LONRF2: variants seen among roughly 807,000 people sequenced by gnomAD.
LONRF2 encodes LON peptidase N-terminal domain and ring finger 2, also known as LON peptidase N-terminal domain and RING finger protein 2.
Under a neutral mutation model 66.6 loss-of-function variants are expected in LONRF2, and 35 were observed. The observed-to-expected ratio is 0.53, with a 90% CI of 0.40 to 0.70. The LOEUF (loss-of-function observed/expected upper bound fraction) is 0.70. LONRF2 is among the 30% of genes least tolerant of loss of function. The probability of loss-of-function intolerance (pLI) is 0.00; values close to 1 mark genes in which losing one functional copy is unlikely to be tolerated. For synonymous variants in LONRF2, 417 were observed against 418.1 expected, an observed-to-expected ratio of 1.00 and a Z score of 0.03; for missense variants, 902 against 1,002.1, an observed-to-expected ratio of 0.90 and a Z score of 1.35.
In LONRF2 at chr2:100,299,766, G is replaced by A. The variant is rs756818095; in HGVS notation, c.1218C>T (p.Asp406=). 1.8e-5 allele frequency: 29 copies of A among 1,613,934 alleles called. 1 individual carries two copies. Among genetic ancestry groups the A allele is most frequent in the East Asian group, 1.3e-4 (6 of 44,894 alleles). The part of the protein sequence containing the change: ...SAGLKRQFPD[D]VEDAPDLNAP... ...CGTTCAGGTCAGGTGCATCCTCCAC[G>A]TCATCCGGAAACTGTCTCTTTAAGC... The change falls in exon 5 of 12, where the codon GAC becomes GAT. Residue 406 remains aspartate, a synonymous_variant. Transcript: ENST00000393437.
At chr2:100,297,383 C>T (rs1321130582) in intron 7 of LONRF2, among the ~76,000 whole-genome samples, 6 of 152,208 alleles carry the variant, frequency 3.9e-5, no homozygotes, top group Middle Eastern at 3.4e-3. Context: ...GTGACCCACC[C>T]GCCTCAGCCT....
intron 9 of LONRF2, among the ~76,000 whole-genome samples, chr2:100,291,889 C>T (rs1674967096): frequency 6.6e-6 from 1 of 152,176 alleles, no homozygotes; most frequent in Non-Finnish European, 1.5e-5. Flanking sequence ...TGCCAAGCAC[C>T]ACACACAGCA....
intron 7 of LONRF2, among the ~76,000 whole-genome samples, chr2:100,295,899 A>G (rs1471947829): frequency 1.3e-5 from 2 of 152,234 alleles, no homozygotes; most frequent in African/African-American, 4.8e-5. Context: ...TGGAAAGTGA[A>G]GAACTGGAAC....
At position 100,279,794 on chromosome 2, in the gene LONRF2, G is replaced by C. The variant is rs1272354001; in HGVS notation, c.*4504C>G. The C allele has an allele frequency of 2.6e-5, 4 of 152,180 alleles. No individual in the cohort carries two copies. The highest frequency in any genetic ancestry group is 9.7e-5 in the African/African-American group (4 of 41,434). The allele number at this position is 152,180 out of a possible 1,614,324, so 9.4% of individuals were successfully genotyped here. A position where few individuals can be genotyped will look rare whatever the true frequency, so the allele number is the denominator to read the frequency against. On this transcript the variant is annotated 3_prime_UTR_variant, in exon 12 of 12. Transcript: ENST00000393437. ...GGCTAGAGACCACCTGTATAGCCTA[G>C]AGTCTGAGCTGTTATTCAGACCAGC...
intron 1 of LONRF2, among the ~76,000 whole-genome samples, chr2:100,320,945 G>C (rs7582424): frequency 6.6e-6 from 1 of 152,188 alleles, no homozygotes; most frequent in Non-Finnish European, 1.5e-5. Flanking sequence ...GAGCCGGAGC[G>C]TTTGACGTGA....
intron 1 of LONRF2, among the ~76,000 whole-genome samples, chr2:100,319,833 G>T (rs1399482646): frequency 6.6e-6 from 1 of 152,112 alleles, no homozygotes; most frequent in Non-Finnish European, 1.5e-5. Context: ...TCTTTTGGGG[G>T]CACATATGCA....
At chr2:100,311,949 T>C (rs1675418868) in intron 1 of LONRF2, among the ~76,000 whole-genome samples, 1 of 152,206 alleles carries the variant, frequency 6.6e-6, no homozygotes, top group Admixed American at 6.5e-5. Flanking sequence ...AGAAATTTAA[T>C]TAGGATTTTG....
intron 9 of LONRF2, 68 bp from the exon 10 acceptor site, chr2:100,290,488 G>T: frequency 6.8e-7 from 1 of 1,475,874 alleles, no homozygotes; most frequent in Admixed American, 2.0e-5. Context: ...TTCCCTGGAT[G>T]AGAGTTTACT....
In LONRF2 at chr2:100,291,021, A is replaced by G. The variant is rs566104451; in HGVS notation, c.1758-601T>C. Among the ~76,000 whole-genome samples the G allele has an allele frequency of 2.9e-4, 44 of 152,332 alleles. 1 individual carries two copies. The highest frequency in any genetic ancestry group is 1.1e-3 in the African/African-American group (44 of 41,582). On this transcript the variant is annotated intron_variant, in intron 9 of 11. Transcript: ENST00000393437. ...AATATAGAACACTAAAAAGAATGTG[A>G]AAAACGACAAGGAAAACCAGATAAA... is the stretch of plus-strand genomic sequence containing the variant.
chr2:100,315,719 G>GGTATCAAT (rs1168041613), intron 1 of LONRF2, among the ~76,000 whole-genome samples: 1 of 151,980 alleles, frequency 6.6e-6, no homozygotes, highest in African/African-American at 2.4e-5. Flanking sequence ...ATTCTTTAAG[G>GGTATCAAT]GTATCAATGG....
chr2:100,310,314 T>C (rs1215515768), intron 1 of LONRF2, among the ~76,000 whole-genome samples: 2 of 152,220 alleles, frequency 1.3e-5, no homozygotes, highest in East Asian at 1.9e-4. Context: ...CCTACGATCC[T>C]TGTAGGAGGG....
Position 100,277,614 on chromosome 2 carries a change from C to G in LONRF2, c.*6684G>C, listed in dbSNP as rs1022675653. On this transcript the variant is annotated 3_prime_UTR_variant, in exon 12 of 12. Coordinates refer to ENST00000393437, the MANE Select transcript of LONRF2 (RefSeq NM_198461.4). The stretch of plus-strand genomic sequence containing the variant: ...CAGAGGGTACAGATGGCATTGCCAA[C>G]CCTCATATAAATGATGGAGCCCAAG... The G allele has an allele frequency of 2.0e-5, 3 of 152,146 alleles. No homozygotes were observed. Among genetic ancestry groups the G allele is most frequent in the African/African-American group, 7.2e-5 (3 of 41,426 alleles). 9.4% of individuals were successfully genotyped at this position (152,146 alleles called of 1,614,324 possible). A position where few individuals can be genotyped will look rare whatever the true frequency, so the allele number is the denominator to read the frequency against.
chr2:100,322,265 G>T lies in LONRF2; in HGVS notation c.-172C>A. 1 of 555,752 alleles carries T rather than the reference G, an allele frequency of 1.8e-6. No individual in the cohort carries two copies. Among genetic ancestry groups the T allele is most frequent in the Non-Finnish European group, 2.6e-6 (1 of 385,718 alleles). 34.4% of individuals were successfully genotyped at this position (555,752 alleles called of 1,614,324 possible). ...AGACCGCGGGCGGGGGCGGGCGCCTGGCTTGGGCAGCGTCCTCAGCGCGGT... is the reference window on the plus strand; with the variant it reads ...AGACCGCGGGCGGGGGCGGGCGCCTTGCTTGGGCAGCGTCCTCAGCGCGGT... On this transcript the variant is annotated 5_prime_UTR_variant, in exon 1 of 12. Coordinates refer to ENST00000393437, the MANE Select transcript of LONRF2 (RefSeq NM_198461.4).
intron 3 of LONRF2, 28 bp downstream of exon 3, chr2:100,302,889 TGATA>T: frequency 6.5e-7 from 1 of 1,543,116 alleles, no homozygotes; most frequent in Non-Finnish European, 8.8e-7. Context: ...AAATAAGACC[TGATA>T]GAGAAAGTCC....
In LONRF2 at chr2:100,300,717, C is replaced by T. The variant is rs773312388; in HGVS notation, c.992G>A (p.Arg331Lys). ...HENLTSSIQSRLKAQGHSHMN... is the reference protein window; with the variant it reads ...HENLTSSIQSKLKAQGHSHMN... ...GTGGCTGTGACCCTGAGCCTTTAAT[C>T]TGCTTTGGATGGAAGATGTTAAATT... is the stretch of plus-strand genomic sequence containing the variant. The change falls in exon 4 of 12, where the codon AGA becomes AAA. Residue 331 changes from arginine to lysine, a missense_variant. Coordinates refer to ENST00000393437, the MANE Select transcript of LONRF2 (RefSeq NM_198461.4). The T allele has an allele frequency of 1.2e-6, 2 of 1,613,942 alleles. No homozygotes were observed. Among genetic ancestry groups the T allele is most frequent in the South Asian group, 2.2e-5 (2 of 91,034 alleles).
intron 10 of LONRF2, 120 bp downstream of exon 10, chr2:100,290,138 A>C: frequency 1.1e-6 from 1 of 930,318 alleles, no homozygotes; most frequent in Non-Finnish European, 1.6e-6. Context: ...TAAATAACTT[A>C]AGTGATGAAT....
chr2:100,300,286 A>G (rs1031439692), intron 4 of LONRF2, among the ~76,000 whole-genome samples: 20 of 151,774 alleles, frequency 1.3e-4, no homozygotes, highest in African/African-American at 3.4e-4. Flanking sequence ...GTTCTAGGGT[A>G]CATGTGTACA....
rs1342507680 is a variant in LONRF2, at chr2:100,273,634, C to T, written c.*10664G>A. The T allele has an allele frequency of 6.6e-6, 1 of 152,196 alleles. No homozygotes were observed. Among genetic ancestry groups the T allele is most frequent in the Non-Finnish European group, 1.5e-5 (1 of 68,030 alleles). The allele number at this position is 152,196 out of a possible 1,614,324, so 9.4% of individuals were successfully genotyped here. A position where few individuals can be genotyped will look rare whatever the true frequency, so the allele number is the denominator to read the frequency against. ...TCAAACCAGACTTAAACTTCAGAAA[C>T]AGAAGGCCAGATGAGTGACCTGTAT... On this transcript the variant is annotated 3_prime_UTR_variant, in exon 12 of 12. Coordinates refer to ENST00000393437, the MANE Select transcript of LONRF2 (RefSeq NM_198461.4).
At chr2:100,307,208 CCG>C (rs1254487156) in intron 2 of LONRF2, among the ~76,000 whole-genome samples, 2 of 152,186 alleles carry the variant, frequency 1.3e-5, no homozygotes, top group Non-Finnish European at 1.5e-5. Context: ...GCGTGAGCCA[CCG>C]CGCCCGGCCT....
Sources: allele counts gnomAD v4.1 joint callset (sites outside exome capture counted in the v4.1 genomes callset), GRCh38; gene constraint gnomAD v4.1.1; transcripts MANE v1.5; gene names NCBI Gene and HGNC (gene_info 2026-07-23, HGNC 2026-07-21).